RYR2: variants seen among roughly 807,000 people sequenced by gnomAD.
RYR2 encodes ryanodine receptor 2.
A neutral mutation model predicts 601.1 loss-of-function variants in RYR2; 227 were observed. The ratio of observed to expected loss-of-function variants is 0.38; its 90% CI spans 0.34 to 0.42. The LOEUF (loss-of-function observed/expected upper bound fraction) is 0.42, where lower values mean the gene tolerates loss of function less well. Ranked by LOEUF, RYR2 falls within the 10% of genes least tolerant of loss-of-function variation. The pLI is 1.00. For missense variants in RYR2, 4,646 were observed against 6,156.5 expected (o/e 0.75, Z 8.21); for synonymous variants, 2,223 against 2,175.1 (o/e 1.02, Z -0.61).
intron 24 of RYR2, among the ~76,000 whole-genome samples, chr1:237,523,438 A>T (rs1323288142): frequency 6.6e-6 from 1 of 152,204 alleles, no homozygotes; most frequent in Non-Finnish European, 1.5e-5. Flanking sequence ...AACCTGATTT[A>T]AAAATTGGCA....
At chr1:237,399,495 C>G (rs749111604) in intron 10 of RYR2, among the ~76,000 whole-genome samples, 2 of 152,016 alleles carry the variant, frequency 1.3e-5, no homozygotes, top group Admixed American at 6.6e-5. Flanking sequence ...TAAAATACTC[C>G]AGGAATAAAT....
rs73108496 is a variant in RYR2, at chr1:237,471,131, A to G, written c.1708+1944A>G. ...ACAGGCTTTCCACTTGGCAGGTGCC[A>G]TGTTGCCTGCTCCTTACTGTACACG... On this transcript the variant is annotated intron_variant, in intron 17 of 104. Coordinates refer to ENST00000366574, the MANE Select transcript of RYR2 (RefSeq NM_001035.3). 1,367 of 154,554 alleles carry G rather than the reference A, an allele frequency of 8.8e-3. 28 individuals carry two copies. In the East Asian group the frequency reaches 0.095, roughly 11 times the overall value. The allele number at this position is 154,554 out of a possible 1,614,324, so 9.6% of individuals were successfully genotyped here.
At chr1:237,709,423 T>C in intron 69 of RYR2, 57 bp from the exon 70 acceptor site, 1 of 1,139,134 alleles carries the variant, frequency 8.8e-7, no homozygotes, top group South Asian at 1.3e-5. Flanking sequence ...GGTTTTTTTT[T>C]TTTAAATTAA....
At chr1:237,061,833 AAG>A (rs1662933363) in intron 1 of RYR2, among the ~76,000 whole-genome samples, 1 of 151,872 alleles carries the variant, frequency 6.6e-6, no homozygotes, top group African/African-American at 2.4e-5. Context: ...TGCCTACCCA[AAG>A]GCTGTTCTCC....
chr1:237,792,005 A>C, intron 93 of RYR2, 100 bp from the exon 94 acceptor site: 1 of 842,562 alleles, frequency 1.2e-6, no homozygotes, highest in African/African-American at 1.7e-5. Flanking sequence ...GTGACTTCAC[A>C]TCCAACTATT....
intron 63 of RYR2, among the ~76,000 whole-genome samples, chr1:237,690,617 T>G (rs1573535410): frequency 6.6e-6 from 1 of 152,294 alleles, no homozygotes; most frequent in South Asian, 2.1e-4. Flanking sequence ...ATCCCAGCAC[T>G]TTGGGAGGCC....
intron 29 of RYR2, among the ~76,000 whole-genome samples, chr1:237,575,495 A>G (rs2148326874): frequency 6.6e-6 from 1 of 152,230 alleles, no homozygotes; most frequent in Middle Eastern, 3.4e-3. Context: ...TAGTTGGGGG[A>G]CAAGAACAAG....
At position 237,155,389 on chromosome 1, in the gene RYR2, G is replaced by C. The variant is rs188865696; in HGVS notation, c.48+112820G>C. ...GATGGGGTTTCACAATGTTAGCCAG[G>C]ATGGTCTTGATCTCCTGACCTTGTG... On this transcript the variant is annotated intron_variant, in intron 1 of 104. Transcript: ENST00000366574. Among the ~76,000 whole-genome samples, 633 of 151,998 alleles carry C rather than the reference G, an allele frequency of 4.2e-3. 4 individuals carry two copies. The highest frequency in any genetic ancestry group is 0.017 in the South Asian group (84 of 4,810).
chr1:237,763,472 G>A (rs1339968620), intron 84 of RYR2, among the ~76,000 whole-genome samples: 4 of 152,186 alleles, frequency 2.6e-5, no homozygotes, highest in Non-Finnish European at 4.4e-5. Flanking sequence ...AAATCTGACA[G>A]ATTACAAATC....
At chr1:237,758,891 C>T (rs1233638423) in intron 82 of RYR2, among the ~76,000 whole-genome samples, 1 of 152,068 alleles carries the variant, frequency 6.6e-6, no homozygotes, top group African/African-American at 2.4e-5. Context: ...ATTGCTTTAG[C>T]GTTTTTTTAC....
chr1:237,700,610 T>C (rs565769892), intron 65 of RYR2, 143 bp downstream of exon 65: 1 of 604,146 alleles, frequency 1.7e-6, no homozygotes, highest in Non-Finnish European at 3.0e-6. Context: ...ACGTTATAGG[T>C]TGACATTTGT....
At chr1:237,384,073 C>T (rs1257321593) in intron 8 of RYR2, among the ~76,000 whole-genome samples, 1 of 152,160 alleles carries the variant, frequency 6.6e-6, no homozygotes, top group Admixed American at 6.5e-5. Context: ...CTTCCCTTTG[C>T]TGTTTAAGCA....
chr1:237,156,789 C>T (rs1280074785), intron 1 of RYR2, among the ~76,000 whole-genome samples: 3 of 152,146 alleles, frequency 2.0e-5, no homozygotes, highest in Admixed American at 2.0e-4. Flanking sequence ...GCTGTGTAAC[C>T]TTCAGTGAGC....
At position 237,260,373 on chromosome 1, in the gene RYR2, C is replaced by G. The variant is rs1274379219; in HGVS notation, c.49-10124C>G. Reference sequence around the variant, plus strand: ...GGTGAAAAACTTCACATTAAAGAACCCTCAGAGATATTTCAGCACGTTGAA... The same window carrying G: ...GGTGAAAAACTTCACATTAAAGAACGCTCAGAGATATTTCAGCACGTTGAA... On this transcript the variant is annotated intron_variant, in intron 1 of 104. Coordinates refer to ENST00000366574, the MANE Select transcript of RYR2 (RefSeq NM_001035.3). 3.3e-5 allele frequency among the ~76,000 whole-genome samples: 5 copies of G among 152,134 alleles called. No individual in the cohort carries two copies. The East Asian group carries it at 7.7e-4, about 23-fold the overall frequency.
At chr1:237,097,114 G>A (rs1289304788) in intron 1 of RYR2, among the ~76,000 whole-genome samples, 1 of 152,096 alleles carries the variant, frequency 6.6e-6, no homozygotes, top group African/African-American at 2.4e-5. Context: ...TCAACTTCTA[G>A]ATGGCATATA....
chr1:237,051,563 A>AGCTGAT (rs1661286279), intron 1 of RYR2, among the ~76,000 whole-genome samples: 1 of 152,078 alleles, frequency 6.6e-6, no homozygotes, highest in Non-Finnish European at 1.5e-5. Context: ...ATACAGCATC[A>AGCTGAT]GCCTGAGGAG....
intron 43 of RYR2, among the ~76,000 whole-genome samples, chr1:237,634,007 T>C (rs1447880154): frequency 6.6e-6 from 1 of 152,146 alleles, no homozygotes; most frequent in Non-Finnish European, 1.5e-5. Context: ...TTATACATGT[T>C]GGTGGGAATG....
At chr1:237,594,886 G>GTTTTTTTTTTTTTTTT (rs776702428) in intron 33 of RYR2, among the ~76,000 whole-genome samples, 4 of 60,418 alleles carry the variant, frequency 6.6e-5, no homozygotes, top group East Asian at 9.0e-4. Flanking sequence ...ATATCACTGG[G>GTTTTTTTTTTTTTTTT]TTTTTTTTTT....
At chr1:237,608,626 T>C (rs1284798127) in intron 35 of RYR2, among the ~76,000 whole-genome samples, 1 of 151,886 alleles carries the variant, frequency 6.6e-6, no homozygotes, top group Non-Finnish European at 1.5e-5. Flanking sequence ...CACTTGAGAG[T>C]GCAGACATGG....
Sources: gnomAD v4.1 joint callset for allele counts (sites outside exome capture counted in the v4.1 genomes callset) on GRCh38, gnomAD v4.1.1 for gene constraint, MANE v1.5 for transcripts, NCBI Gene and HGNC (gene_info 2026-07-23, HGNC 2026-07-21) for gene names.